MSRA: variants seen among roughly 807,000 people sequenced by gnomAD.
MSRA encodes methionine sulfoxide reductase A.
In MSRA, 54 loss-of-function variants were observed where a neutral mutation model predicts 31.3. The ratio of observed to expected loss-of-function variants is 1.73; its 90% confidence interval spans 1.39 to 2.17. The LOEUF is 2.17. Among genes scored for constraint, MSRA ranks in the 30% most tolerant of loss-of-function variants. The probability of loss-of-function intolerance (pLI) is 0.00; values close to 1 mark genes in which losing one functional copy is unlikely to be tolerated. For missense variants in MSRA, 507 were observed against 300.9 expected (o/e 1.69, Z -5.07); for synonymous variants, 169 against 116.5 (o/e 1.45, Z -2.90).
intron 1 of MSRA, among the ~76,000 whole-genome samples, chr8:10,100,523 TA>T (rs1338495077): frequency 6.6e-6 from 1 of 152,048 alleles, no homozygotes; most frequent in Non-Finnish European, 1.5e-5. Flanking sequence ...CCATGGAGTC[TA>T]GGGGGCTAGG....
At chr8:10,272,753 T>A (rs1371768407) in intron 3 of MSRA, among the ~76,000 whole-genome samples, 8 of 152,240 alleles carry the variant, frequency 5.3e-5, no homozygotes, top group Non-Finnish European at 1.2e-4. Context: ...TTATTTTTTT[T>A]ATTCTACGCT....
chr8:10,325,852 C>T (rs966892767), intron 5 of MSRA, among the ~76,000 whole-genome samples: 2 of 152,178 alleles, frequency 1.3e-5, no homozygotes, highest in Non-Finnish European at 2.9e-5. Flanking sequence ...TGTTTTATAT[C>T]TAGGGTAAGC....
intron 4 of MSRA, among the ~76,000 whole-genome samples, chr8:10,302,576 T>G (rs1232752747): frequency 3.3e-5 from 5 of 152,230 alleles, no homozygotes; most frequent in African/African-American, 1.2e-4. Context: ...GCAGCACAGG[T>G]TGGTGGGTCC....
chr8:10,419,200 C>T (rs186352451), intron 5 of MSRA, among the ~76,000 whole-genome samples: 3 of 152,284 alleles, frequency 2.0e-5, no homozygotes, highest in Admixed American at 6.5e-5. Flanking sequence ...TCATCCCTTG[C>T]ACCTCTCACG....
chr8:10,144,831 G>T (rs1353226768), intron 1 of MSRA, among the ~76,000 whole-genome samples: 1 of 152,076 alleles, frequency 6.6e-6, no homozygotes, highest in African/African-American at 2.4e-5. Context: ...TGGCACATCT[G>T]ACTGTGCTTC....
intron 1 of MSRA, among the ~76,000 whole-genome samples, chr8:10,155,775 A>G (rs1804104780): frequency 6.6e-6 from 1 of 152,166 alleles, no homozygotes; most frequent in African/African-American, 2.4e-5. Context: ...ATATGAGTCC[A>G]CAGTGATGAG....
intron 3 of MSRA, among the ~76,000 whole-genome samples, chr8:10,260,291 C>T (rs1434704087): frequency 1.3e-5 from 2 of 152,110 alleles, no homozygotes; most frequent in South Asian, 2.1e-4. Flanking sequence ...CTGTTTAATA[C>T]CACCACGCCT....
intron 5 of MSRA, among the ~76,000 whole-genome samples, chr8:10,384,846 A>G (rs138971395): frequency 3.5e-4 from 53 of 152,150 alleles, no homozygotes; most frequent in African/African-American, 1.1e-3. Context: ...TTTGTCTCCA[A>G]AAAAAATTAG....
chr8:10,242,546 G>T (rs1797390278), intron 2 of MSRA, among the ~76,000 whole-genome samples: 1 of 152,070 alleles, frequency 6.6e-6, no homozygotes, highest in South Asian at 2.1e-4. Flanking sequence ...TGAAATATAT[G>T]TTTGTTTTGT....
Position 10,341,422 on chromosome 8 carries a change from A to C in MSRA, c.543+21433A>C, listed in dbSNP as rs1030191402. Among the ~76,000 whole-genome samples the C allele has an allele frequency of 5.3e-5, 8 of 152,298 alleles. No homozygotes were observed. The East Asian group carries it at 7.7e-4, about 15-fold the overall frequency. On this transcript the variant is annotated intron_variant, in intron 5 of 5. Transcript: ENST00000317173. ...CACTTAGAGTGAAAGCCGACTTATC[A>C]CCAAAGAATGGTCCAAGCCATTCAT...
chr8:10,143,170 C>T (rs901423421), intron 1 of MSRA, among the ~76,000 whole-genome samples: 3 of 151,922 alleles, frequency 2.0e-5, no homozygotes, highest in Admixed American at 6.6e-5. Context: ...TCTTCTTTCA[C>T]GGGGAAAGAG....
chr8:10,390,122 C>G (rs929447848), intron 5 of MSRA, among the ~76,000 whole-genome samples: 1 of 152,226 alleles, frequency 6.6e-6, no homozygotes, highest in Non-Finnish European at 1.5e-5. Context: ...TCTGACATCC[C>G]CTCTCTGTAT....
At chr8:10,387,587 CTTAGCGCTGG>C (rs1806472718) in intron 5 of MSRA, among the ~76,000 whole-genome samples, 1 of 152,120 alleles carries the variant, frequency 6.6e-6, no homozygotes, top group Non-Finnish European at 1.5e-5. Context: ...CAGAGTTCTT[CTTAGCGCTGG>C]TGGATTGTGG....
At chr8:10,295,532 C>T (rs565506258) in intron 3 of MSRA, among the ~76,000 whole-genome samples, 1 of 152,226 alleles carries the variant, frequency 6.6e-6, no homozygotes, top group Admixed American at 6.5e-5. Context: ...CCGAGCTGCT[C>T]TTGGTTCTGA....
intron 1 of MSRA, among the ~76,000 whole-genome samples, chr8:10,083,962 C>T (rs1267313068): frequency 6.6e-6 from 1 of 152,104 alleles, no homozygotes; most frequent in Non-Finnish European, 1.5e-5. Context: ...TAAATTTTGT[C>T]CTCTTGAAAG....
chr8:10,117,868 A>G (rs1667144721), intron 1 of MSRA, among the ~76,000 whole-genome samples: 1 of 152,226 alleles, frequency 6.6e-6, no homozygotes, highest in African/African-American at 2.4e-5. Flanking sequence ...TACTGTGATG[A>G]AGAAAAATCC....
In MSRA at chr8:10,300,324, C is replaced by T. The variant is rs148035642; in HGVS notation, c.332-1210C>T. Among the ~76,000 whole-genome samples the T allele has an allele frequency of 7.1e-3, 1,072 of 151,966 alleles. 52 individuals are homozygous for T. Among genetic ancestry groups the T allele is most frequent in the Admixed American group, 0.054 (819 of 15,270 alleles). On this transcript the variant is annotated intron_variant, in intron 3 of 5. Transcript: ENST00000317173. ...AGGCTGGAGTGCAGTGGTGCGATCT[C>T]GGCTTACTGCAACCTCCACCTCTCA...
chr8:10,166,607 G>C (rs753115339), intron 1 of MSRA, among the ~76,000 whole-genome samples: 2 of 152,228 alleles, frequency 1.3e-5, no homozygotes, highest in East Asian at 3.9e-4. Context: ...TATAACAAGC[G>C]ACTTTGTCTC....
At chr8:10,366,297 T>C (rs1431473507) in intron 5 of MSRA, among the ~76,000 whole-genome samples, 1 of 152,234 alleles carries the variant, frequency 6.6e-6, no homozygotes, top group Non-Finnish European at 1.5e-5. Context: ...GCTCTGAATT[T>C]ATACCAAAGA....
Sources: allele counts gnomAD v4.1 joint callset (sites outside exome capture counted in the v4.1 genomes callset), GRCh38; gene constraint gnomAD v4.1.1; transcripts MANE v1.5; gene names NCBI Gene and HGNC (gene_info 2026-07-23, HGNC 2026-07-21).